ANKRD12: variants seen among roughly 807,000 people sequenced by gnomAD.
The protein encoded by ANKRD12 is ankyrin repeat domain-containing protein 12.
Under a neutral mutation model 183.4 loss-of-function variants are expected in ANKRD12, and 85 were observed. The ratio of observed to expected loss-of-function variants is 0.46; its 90% CI spans 0.39 to 0.56. ANKRD12 has a LOEUF of 0.56. Among genes scored for constraint, ANKRD12 ranks in the 20% least tolerant of loss-of-function variants. ANKRD12 has a pLI of 0.00. For missense variants in ANKRD12, 2,405 were observed against 2,357.1 expected (o/e 1.02, Z -0.42); for synonymous variants, 914 against 800.2 (o/e 1.14, Z -2.40).
In ANKRD12 at chr18:9,281,192, T is replaced by G. The variant is rs929933894; in HGVS notation, c.*66T>G. The G allele has an allele frequency of 2.4e-5, 33 of 1,370,838 alleles. 1 individual carries two copies. The South Asian group carries it at 4.7e-4, about 19-fold the overall frequency. The allele number at this position is 1,370,838 out of a possible 1,614,324, so 84.9% of individuals were successfully genotyped here. ...GCTCAAGCATTATACTGTGGAATAC[T>G]GCCTTTTGACAAAAATACTCATGCC... is the stretch of plus-strand genomic sequence containing the variant. On this transcript the variant is annotated 3_prime_UTR_variant, in exon 13 of 13. Transcript: ENST00000262126.
intron 8 of ANKRD12, among the ~76,000 whole-genome samples, chr18:9,250,910 A>C (rs2038253914): frequency 6.6e-6 from 1 of 152,178 alleles, no homozygotes; most frequent in Non-Finnish European, 1.5e-5. Context: ...TAATGAGTTG[A>C]ATGTTTTTAG....
chr18:9,196,897 A>G (rs1034183977), intron 3 of ANKRD12, among the ~76,000 whole-genome samples: 1 of 152,006 alleles, frequency 6.6e-6, no homozygotes, highest in African/African-American at 2.4e-5. Context: ...TAATTACTGG[A>G]TCGCTTACCT....
At chr18:9,172,886 T>C (rs537615439) in intron 1 of ANKRD12, among the ~76,000 whole-genome samples, 4 of 151,878 alleles carry the variant, frequency 2.6e-5, no homozygotes, top group Admixed American at 2.6e-4. Context: ...CTGATCTTTT[T>C]TTTTTGTTTT....
chr18:9,231,715 C>T (rs566206767), intron 8 of ANKRD12, among the ~76,000 whole-genome samples: 5 of 150,428 alleles, frequency 3.3e-5, no homozygotes, highest in Non-Finnish European at 5.9e-5. Flanking sequence ...GTCCCAGCTA[C>T]TCGGGAGGCT....
intron 8 of ANKRD12, among the ~76,000 whole-genome samples, chr18:9,246,149 A>C (rs891713384): frequency 2.0e-5 from 3 of 151,716 alleles, no homozygotes; most frequent in African/African-American, 4.8e-5. Context: ...AAAGTTCTCT[A>C]CTTAGCTATA....
At chr18:9,275,020 C>A (rs1040790679) in intron 10 of ANKRD12, among the ~76,000 whole-genome samples, 4 of 149,974 alleles carry the variant, frequency 2.7e-5, no homozygotes, top group African/African-American at 9.8e-5. Flanking sequence ...CCTGTTTCTA[C>A]AAAAAAAAAT....
chr18:9,263,794 C>T lies in ANKRD12; in HGVS notation c.5669C>T (p.Thr1890Ile). The T allele has an allele frequency of 1.3e-6, 2 of 1,551,770 alleles. No homozygotes were observed. The highest frequency in any genetic ancestry group is 1.8e-6 in the Non-Finnish European group (2 of 1,140,592). The change falls in exon 10 of 13, where the codon ACA becomes ATA. Residue 1890 changes from threonine to isoleucine, a missense_variant. By Grantham distance (89) the Thr-to-Ile change is moderately conservative. Coordinates refer to ENST00000262126, the MANE Select transcript of ANKRD12 (RefSeq NM_015208.5). ...TATATATATCTTTTTAATTAGATTA[C>T]ACCACCACCTTCACTGTCAGATCCA... ...PLSKICIPTI[T>I]PPPSLSDPLK...
Position 9,221,928 on chromosome 18 carries a change from C to T in ANKRD12, c.872C>T (p.Ala291Val). 2 of 1,613,886 alleles carry T rather than the reference C, an allele frequency of 1.2e-6. No homozygotes were observed. The highest frequency in any genetic ancestry group is 1.7e-6 in the Non-Finnish European group (2 of 1,179,880). Residue 291 changes from alanine (A) to valine (V), a missense_variant, in exon 8 of 13, where the codon GCA becomes GTA. Physicochemically the swap from Ala to Val is moderately conservative, Grantham distance 64. Around this residue, in one of 7 missense-constraint regions of ANKRD12, gnomAD observed 40 missense variants for 54.2 expected, o/e 0.74. Coordinates refer to ENST00000262126, the MANE Select transcript of ANKRD12 (RefSeq NM_015208.5). ...CATGGGGAGCGTCCAGTGGATGTAG[C>T]AGAAACAGAGGAGTTGGAGTTGCTA... ...NKHGERPVDV[A>V]ETEELELLLK...
chr18:9,201,435 T>G (rs1427301355), intron 3 of ANKRD12, among the ~76,000 whole-genome samples: 1 of 152,236 alleles, frequency 6.6e-6, no homozygotes. Context: ...TTTACAATTC[T>G]TTTGTTATGA....
At chr18:9,149,923 G>A (rs953060435) in intron 1 of ANKRD12, among the ~76,000 whole-genome samples, 3 of 151,672 alleles carry the variant, frequency 2.0e-5, no homozygotes, top group African/African-American at 7.3e-5. Context: ...AGCCTCCTGA[G>A]TAGCTGGGAC....
chr18:9,226,427 A>G (rs553952385), intron 8 of ANKRD12, among the ~76,000 whole-genome samples: 1,427 of 77,396 alleles, frequency 0.018, 23 homozygotes, highest in African/African-American at 0.051. Context: ...CTCTGTCTCA[A>G]AAAAAGAAAA....
At chr18:9,224,787 A>T (rs1170281834) in intron 8 of ANKRD12, among the ~76,000 whole-genome samples, 2 of 152,250 alleles carry the variant, frequency 1.3e-5, no homozygotes, top group African/African-American at 4.8e-5. Flanking sequence ...AAATGCCCCC[A>T]AAATGGGCAG....
intron 1 of ANKRD12, among the ~76,000 whole-genome samples, chr18:9,142,426 T>C (rs567370573): frequency 6.6e-6 from 1 of 152,174 alleles, no homozygotes; most frequent in Non-Finnish European, 1.5e-5. Context: ...AACTCACTTA[T>C]GAAAGAGAAG....
chr18:9,227,533 C>T (rs1239246134), intron 8 of ANKRD12, among the ~76,000 whole-genome samples: 4 of 152,040 alleles, frequency 2.6e-5, no homozygotes, highest in Admixed American at 1.3e-4. Flanking sequence ...AAGATCTTAC[C>T]GAAAGGTGTT....
At chr18:9,176,619 TA>T (rs1306188289) in intron 1 of ANKRD12, among the ~76,000 whole-genome samples, 2 of 150,696 alleles carry the variant, frequency 1.3e-5, no homozygotes, top group Non-Finnish European at 3.0e-5. Flanking sequence ...TGCTTATACT[TA>T]AAAAAAAAGA....
Position 9,195,624 on chromosome 18 carries a change from A to G in ANKRD12, c.161A>G (p.Glu54Gly). 6.2e-7 allele frequency: 1 copy of G among 1,613,300 alleles called. No homozygotes were observed. Among genetic ancestry groups the G allele is most frequent in the Non-Finnish European group, 8.5e-7 (1 of 1,179,590 alleles). Residue 54 changes from glutamate to glycine, a missense_variant, in exon 3 of 13, where the codon GAG (glutamate) becomes GGG (glycine). Physicochemically the swap from Glu to Gly is moderately conservative, Grantham distance 98. This residue lies in a region of ANKRD12 where 145 missense variants were observed against 145.6 expected (regional missense o/e 1.00). Coordinates refer to ENST00000262126, the MANE Select transcript of ANKRD12 (RefSeq NM_015208.5). Reference protein sequence around the residue: ...ERSDVSKEMKEKSSMKRKLPF... With the variant: ...ERSDVSKEMKGKSSMKRKLPF... ...AGTGATGTGAGCAAGGAGATGAAAGAGAAATCATCCATGAAACGTAAACTT... is the reference window on the plus strand; with the variant it reads ...AGTGATGTGAGCAAGGAGATGAAAGGGAAATCATCCATGAAACGTAAACTT...
In ANKRD12 at chr18:9,247,615, A is replaced by G. The variant is rs568554515; in HGVS notation, c.944-6596A>G. 2.6e-5 allele frequency among the ~76,000 whole-genome samples: 4 copies of G among 152,258 alleles called. No individual in the cohort carries two copies. The South Asian group carries it at 8.3e-4, about 32-fold the overall frequency. On this transcript the variant is annotated intron_variant, in intron 8 of 12. Coordinates refer to ENST00000262126, the MANE Select transcript of ANKRD12 (RefSeq NM_015208.5). ...TTGCCTCGTAAAATATGTGTTTTAAAAATCTTTATTGGTTAATATATCTTA... is the reference window on the plus strand; with the variant it reads ...TTGCCTCGTAAAATATGTGTTTTAAGAATCTTTATTGGTTAATATATCTTA...
At chr18:9,224,025 T>C (rs1461867132) in intron 8 of ANKRD12, among the ~76,000 whole-genome samples, 1 of 152,132 alleles carries the variant, frequency 6.6e-6, no homozygotes, top group African/African-American at 2.4e-5. Context: ...CTAAGTATTA[T>C]ATAAAGAAAC....
At chr18:9,214,445 A>G (rs2035980223) in intron 6 of ANKRD12, among the ~76,000 whole-genome samples, 2 of 152,102 alleles carry the variant, frequency 1.3e-5, no homozygotes, top group African/African-American at 4.8e-5. Flanking sequence ...AAATATTGGG[A>G]CTATCTGCTT....
Sources: allele counts gnomAD v4.1 joint callset (sites outside exome capture counted in the v4.1 genomes callset), GRCh38; gene constraint gnomAD v4.1.1; regional missense constraint gnomAD v4.1.1; transcripts MANE v1.5; gene names NCBI Gene and HGNC (gene_info 2026-07-23, HGNC 2026-07-21).